Variants in RAB40B observed in about 807,000 individuals in gnomAD.
RAB40B encodes the protein RAB40B, member RAS oncogene family.
RAB40B carries 21 observed loss-of-function variants against 24.0 expected under a neutral mutation model. The observed-to-expected ratio is 0.88, with a 90% CI of 0.62 to 1.26. RAB40B has a LOEUF of 1.26. Among genes scored for constraint, RAB40B ranks in the 50% most tolerant of loss-of-function variants. RAB40B has a pLI of 0.00. For missense variants in RAB40B, 348 were observed against 390.5 expected (o/e 0.89, Z 0.92); for synonymous variants, 167 against 169.8 (o/e 0.98, Z 0.13).
At chr17:82,681,340 G>A (rs1034683380) in intron 1 of RAB40B, among the ~76,000 whole-genome samples, 4 of 152,266 alleles carry the variant, frequency 2.6e-5, no homozygotes, top group Middle Eastern at 3.4e-3. Context: ...AAAGGCAAAC[G>A]AGAGTAATAC....
intron 1 of RAB40B, among the ~76,000 whole-genome samples, chr17:82,691,484 G>A (rs1216573799): frequency 2.6e-5 from 4 of 152,086 alleles, no homozygotes; most frequent in Admixed American, 6.6e-5. Flanking sequence ...TCAGGAGTTC[G>A]AGACCAGCCT....
chr17:82,674,783 G>A (rs1204779840), intron 1 of RAB40B, among the ~76,000 whole-genome samples: 5 of 152,094 alleles, frequency 3.3e-5, no homozygotes, highest in Non-Finnish European at 7.4e-5. Flanking sequence ...AGTTGCTGCC[G>A]GCCAGCTTCC....
intron 3 of RAB40B, 104 bp downstream of exon 3, chr17:82,660,883 C>A (rs2046163325): frequency 7.1e-7 from 1 of 1,415,052 alleles, no homozygotes. Flanking sequence ...GTAAGCTTAA[C>A]CGCCTTGTCC....
intron 1 of RAB40B, among the ~76,000 whole-genome samples, chr17:82,665,587 C>T (rs1226687380): frequency 6.6e-6 from 1 of 152,094 alleles, no homozygotes; most frequent in Non-Finnish European, 1.5e-5. Flanking sequence ...CAATTAAGGG[C>T]TGGATGCGGT....
In RAB40B at chr17:82,661,465, A is replaced by T. The variant is rs544940593; in HGVS notation, c.204-418T>A. Among the ~76,000 whole-genome samples the T allele has an allele frequency of 1.1e-3, 166 of 152,266 alleles. 4 individuals are homozygous for T. The Middle Eastern group carries it at 0.031, about 28-fold the overall frequency. ...GAGCTCACATGGAGTCAGCCCTTCCAGTGTGCCCCTAAGAGGGGAGGGATA... is the reference window on the plus strand; with the variant it reads ...GAGCTCACATGGAGTCAGCCCTTCCTGTGTGCCCCTAAGAGGGGAGGGATA... On this transcript the variant is annotated intron_variant, in intron 2 of 5. Transcript: ENST00000571995.
At chr17:82,686,528 G>C (rs1182485081) in intron 1 of RAB40B, among the ~76,000 whole-genome samples, 3 of 152,222 alleles carry the variant, frequency 2.0e-5, no homozygotes, top group African/African-American at 7.2e-5. Context: ...CAGACACCCA[G>C]GAGAGAAGGC....
chr17:82,681,020 C>CAAAAAAAAAAAAAAAAA (rs201799464), intron 1 of RAB40B, among the ~76,000 whole-genome samples: 2 of 93,942 alleles, frequency 2.1e-5, no homozygotes, highest in African/African-American at 4.4e-5. Flanking sequence ...GACTCCATCT[C>CAAAAAAAAAAAAAAAAA]AAAAAAAAAA....
intron 2 of RAB40B, chr17:82,662,486 G>C (rs2143459107): frequency 1.6e-5 from 16 of 985,460 alleles, no homozygotes; most frequent in Non-Finnish European, 1.9e-5. Context: ...TGAAGGAGCA[G>C]AGCAGAGCCC....
chr17:82,667,893 G>A lies in RAB40B; in HGVS notation c.143-3337C>T, dbSNP rs1466189783. On this transcript the variant is annotated intron_variant, in intron 1 of 5. Transcript: ENST00000571995. The surrounding 1 kb of genome is among the most constrained non-coding windows in gnomAD (Gnocchi z 4.3). ...AAACGTTTGCCACCGAGCCCAGCAG[G>A]CACGCTGAGTGCACCGTCTGTCTCT... Among the ~76,000 whole-genome samples, 1 of 152,164 alleles carries A rather than the reference G, an allele frequency of 6.6e-6. No individual in the cohort carries two copies. The highest frequency in any genetic ancestry group is 2.4e-5 in the African/African-American group (1 of 41,440).
chr17:82,662,800 G>A (rs774947726), intron 2 of RAB40B: 2 of 985,316 alleles, frequency 2.0e-6, no homozygotes, highest in African/African-American at 1.7e-5. Context: ...GGGCAGCTGG[G>A]GTCAGGGAGG....
At chr17:82,682,159 A>G (rs1238323024) in intron 1 of RAB40B, among the ~76,000 whole-genome samples, 1 of 152,012 alleles carries the variant, frequency 6.6e-6, no homozygotes, top group East Asian at 1.9e-4. Context: ...GCACACACAC[A>G]CATACACCTC....
In RAB40B at chr17:82,697,564, C is replaced by G. The variant is rs73359138; in HGVS notation, c.142+891G>C. The stretch of plus-strand genomic sequence containing the variant: ...AAGGTGGGCACAGGCTGGGCTCCTT[C>G]CACAGCCTCAGGGTCGGCCTCGTCC... On this transcript the variant is annotated intron_variant, in intron 1 of 5. Transcript: ENST00000571995. This position sits in a 1 kb window ranked among gnomAD's most constrained non-coding sequence, Gnocchi z 4.9. Among the ~76,000 whole-genome samples, 8,854 of 152,270 alleles carry G rather than the reference C, an allele frequency of 0.058. 327 individuals carry two copies. The highest frequency in any genetic ancestry group is 0.13 in the East Asian group (662 of 5,164).
chr17:82,658,468 C>T (rs964162732), intron 5 of RAB40B, 23 bp downstream of exon 5: 1 of 1,609,216 alleles, frequency 6.2e-7, no homozygotes, highest in Non-Finnish European at 8.5e-7. Context: ...AGAGGTGGCC[C>T]CCGGAATAGC....
chr17:82,668,567 G>T (rs546745196), intron 1 of RAB40B, among the ~76,000 whole-genome samples: 16 of 152,402 alleles, frequency 1.0e-4, no homozygotes, highest in African/African-American at 3.8e-4. Flanking sequence ...GGTGGCAAGG[G>T]CTGGTGTGTC....
At position 82,667,935 on chromosome 17, in the gene RAB40B, C is replaced by T. The variant is rs1046318462; in HGVS notation, c.143-3379G>A. ...TCTGTCTCTCTCTTCTTGGCATGGG[C>T]GCTGACGGGGCACTGATGGGGCCTT... is the stretch of plus-strand genomic sequence containing the variant. On this transcript the variant is annotated intron_variant, in intron 1 of 5. Coordinates refer to ENST00000571995, the MANE Select transcript of RAB40B (RefSeq NM_006822.3). The surrounding 1 kb of genome is among the most constrained non-coding windows in gnomAD (Gnocchi z 4.3). 1.3e-5 allele frequency among the ~76,000 whole-genome samples: 2 copies of T among 152,084 alleles called. No individual in the cohort carries two copies. Among genetic ancestry groups the T allele is most frequent in the African/African-American group, 4.8e-5 (2 of 41,424 alleles).
At chr17:82,668,899 C>T (rs1217587766) in intron 1 of RAB40B, among the ~76,000 whole-genome samples, 3 of 152,252 alleles carry the variant, frequency 2.0e-5, no homozygotes, top group Admixed American at 6.5e-5. Context: ...AGATGGGCCA[C>T]TGCTACCATC....
intron 1 of RAB40B, among the ~76,000 whole-genome samples, chr17:82,681,058 A>G (rs1254247059): frequency 6.6e-6 from 1 of 150,742 alleles, no homozygotes; most frequent in Non-Finnish European, 1.5e-5. Context: ...AAAGAAAGAG[A>G]AAAGAAAATG....
intron 1 of RAB40B, among the ~76,000 whole-genome samples, chr17:82,698,047 G>A (rs955321903): frequency 1.5e-4 from 23 of 149,976 alleles, no homozygotes; most frequent in African/African-American, 5.6e-4. Flanking sequence ...GCGGCCGAAC[G>A]CGCACTTGCG....
intron 1 of RAB40B, among the ~76,000 whole-genome samples, chr17:82,683,889 G>A (rs2046469985): frequency 6.6e-6 from 1 of 151,802 alleles, no homozygotes; most frequent in African/African-American, 2.4e-5. Context: ...GAGAATATGA[G>A]GATGGTAGAT....
Sources: allele counts gnomAD v4.1 joint callset (sites outside exome capture counted in the v4.1 genomes callset), GRCh38; gene constraint gnomAD v4.1.1; non-coding constraint Gnocchi (gnomAD v3.1); transcripts MANE v1.5; gene names NCBI Gene and HGNC (gene_info 2026-07-23, HGNC 2026-07-21).